The following TMEM41B variants were observed in gnomAD, a reference collection of about 807,000 sequenced individuals.
TMEM41B encodes transmembrane protein 41B.
In TMEM41B, 18 loss-of-function variants were observed where a neutral mutation model predicts 31.9. The observed-to-expected ratio is 0.56, with a 90% CI of 0.39 to 0.84. The LOEUF (loss-of-function observed/expected upper bound fraction) is 0.84. TMEM41B is among the 40% of genes least tolerant of loss of function. The pLI, the probability that TMEM41B is intolerant of heterozygous loss-of-function variation, is 0.00. For missense variants in TMEM41B, 322 were observed against 348.0 expected, an observed-to-expected ratio of 0.93 and a Z score of 0.59; for synonymous variants, 144 against 124.3, an observed-to-expected ratio of 1.16 and a Z score of -1.05.
In TMEM41B at chr11:9,287,432, T is replaced by C. The variant is rs1040551775; in HGVS notation, c.567+270A>G. On this transcript the variant is annotated intron_variant, in intron 5 of 6. Transcript: ENST00000528080. ...ATCTAATTATGTGGATGCCTTTATA[T>C]TCACACTGACTTCTCTGCTGATTAA... Among the ~76,000 whole-genome samples the C allele has an allele frequency of 2.0e-5, 3 of 152,236 alleles. No homozygotes were observed. The East Asian group carries it at 5.8e-4, about 29-fold the overall frequency.
intron 1 of TMEM41B, among the ~76,000 whole-genome samples, chr11:9,308,352 T>C (rs1295794096): frequency 6.6e-6 from 1 of 152,128 alleles, no homozygotes; most frequent in African/African-American, 2.4e-5. Flanking sequence ...CTGGCCAACC[T>C]TGGACATTTT....
At chr11:9,290,021 G>C (rs1158868736) in intron 3 of TMEM41B, among the ~76,000 whole-genome samples, 1 of 151,242 alleles carries the variant, frequency 6.6e-6, no homozygotes, top group East Asian at 1.9e-4. Context: ...TCTCCTACAT[G>C]TCTCTGTCAA....
In TMEM41B at chr11:9,307,448, C is replaced by CTT. The variant is rs34810386; in HGVS notation, c.121+6871_121+6872dup. Among the ~76,000 whole-genome samples, 99 of 147,120 alleles carry CTT rather than the reference C, an allele frequency of 6.7e-4. 1 individual carries two copies. Among genetic ancestry groups the CTT allele is most frequent in the Middle Eastern group, 3.5e-3 (1 of 286 alleles). Reference sequence around the variant, plus strand: ...CAGCTGAAGTATCATAAAATAAAATCTTTTTTTTTTTTTGAGATCGAGTTT... The same window carrying CTT: ...CAGCTGAAGTATCATAAAATAAAATCTTTTTTTTTTTTTTTGAGATCGAGTTT... On this transcript the variant is annotated intron_variant, in intron 1 of 6. Transcript: ENST00000528080.
intron 4 of TMEM41B, chr11:9,288,212 C>A: frequency 2.8e-6 from 1 of 359,770 alleles, no homozygotes. Flanking sequence ...GTTACAAAAT[C>A]CAATAGGAAA....
intron 1 of TMEM41B, 74 bp downstream of exon 1, chr11:9,314,247 G>C (rs772605292): frequency 8.7e-6 from 13 of 1,486,260 alleles, no homozygotes; most frequent in Admixed American, 6.5e-5. Context: ...TCCGAGAATA[G>C]CGGGGGTCCT....
chr11:9,283,649 T>C (rs558697839), intron 6 of TMEM41B, 56 bp from the exon 7 acceptor site: 59 of 1,481,126 alleles, frequency 4.0e-5, no homozygotes, highest in Middle Eastern at 3.6e-4. Flanking sequence ...TTTTAAAAAA[T>C]TAAAATGTTC....
rs374832221 is a variant in TMEM41B, at chr11:9,305,980, T to TTTTC, written c.122-6280_122-6279insGAAA. On this transcript the variant is annotated intron_variant, in intron 1 of 6. Coordinates refer to ENST00000528080, the MANE Select transcript of TMEM41B (RefSeq NM_015012.4). ...ACAGCTACTTACACCAGCACTTTTC[T>TTTTC]TTTTTTTTTTTTTTTTGAGACAGAG... is the stretch of plus-strand genomic sequence containing the variant. Among the ~76,000 whole-genome samples, 186 of 49,870 alleles carry TTTTC rather than the reference T, an allele frequency of 3.7e-3. 3 individuals carry two copies. The South Asian group carries it at 0.058, about 15-fold the overall frequency. The allele number at this position is 49,870 out of a possible 152,430, so 32.7% of individuals were successfully genotyped here. A position where few individuals can be genotyped will look rare whatever the true frequency, so the allele number is the denominator to read the frequency against.
intron 6 of TMEM41B, 82 bp from the exon 7 acceptor site, chr11:9,283,675 T>G (rs1852773048): frequency 8.0e-7 from 1 of 1,242,422 alleles, no homozygotes. Flanking sequence ...GCATAAAGTT[T>G]CTTAAAACAA....
At chr11:9,295,496 T>G (rs1055296299) in intron 2 of TMEM41B, 109 bp from the exon 3 acceptor site, 1 of 660,762 alleles carries the variant, frequency 1.5e-6, no homozygotes, top group African/African-American at 1.9e-5. Flanking sequence ...CTTGATCTAT[T>G]AAGTCTAAAT....
chr11:9,303,191 GTA>G (rs1266984131), intron 1 of TMEM41B, among the ~76,000 whole-genome samples: 1 of 151,878 alleles, frequency 6.6e-6, no homozygotes, highest in Non-Finnish European at 1.5e-5. Flanking sequence ...AATTTTTTTT[GTA>G]TTTTTAGTAG....
chr11:9,307,603 C>G (rs1280807848), intron 1 of TMEM41B, among the ~76,000 whole-genome samples: 2 of 149,036 alleles, frequency 1.3e-5, no homozygotes, highest in Non-Finnish European at 3.0e-5. Flanking sequence ...CCACCACGTC[C>G]GGCTAATTTT....
rs1853194292 is a variant in TMEM41B at position 9,299,531 on chromosome 11, C to CT, written c.239+52dup. ...AGCTACTGCACTTGGCCTTAATCCA[C>CT]TTTCATCTTATAAATATCTATACAT... On this transcript the variant is annotated intron_variant, in intron 2 of 6. Transcript: ENST00000528080. The CT allele has an allele frequency of 3.1e-6, 4 of 1,297,748 alleles. No individual in the cohort carries two copies. The African/African-American group carries it at 5.9e-5, about 19-fold the overall frequency. 80.4% of individuals were successfully genotyped at this position (1,297,748 alleles called of 1,614,324 possible). A position where few individuals can be genotyped will look rare whatever the true frequency, so the allele number is the denominator to read the frequency against.
chr11:9,310,919 TTCA>T (rs1319905967), intron 1 of TMEM41B, among the ~76,000 whole-genome samples: 1 of 152,168 alleles, frequency 6.6e-6, no homozygotes, highest in Non-Finnish European at 1.5e-5. Flanking sequence ...ATAGAGGTTT[TTCA>T]TCATAATTAA....
intron 3 of TMEM41B, among the ~76,000 whole-genome samples, chr11:9,293,384 T>G (rs915217855): frequency 6.6e-6 from 1 of 152,196 alleles, no homozygotes; most frequent in South Asian, 2.1e-4. Context: ...ATTACAGGAA[T>G]GAGCCACTAC....
At chr11:9,311,816 T>C in intron 1 of TMEM41B, 1 of 535,364 alleles carries the variant, frequency 1.9e-6, no homozygotes, top group East Asian at 3.3e-5. Flanking sequence ...CTTTCCGTGT[T>C]ACCTCTGCCT....
At position 9,282,896 on chromosome 11, in the gene TMEM41B, T is replaced by G. The variant is rs1210768778; in HGVS notation, c.*528A>C. On this transcript the variant is annotated 3_prime_UTR_variant, in exon 7 of 7. Transcript: ENST00000528080. ...TTGCAGTGAGTGGAGATCGCGCCAC[T>G]GCACTCCAGCCTGGGCGGCAGAGCT... The G allele has an allele frequency of 4.4e-5, 6 of 136,898 alleles. No individual in the cohort carries two copies. 8.5% of individuals were successfully genotyped at this position (136,898 alleles called of 1,614,324 possible). A position where few individuals can be genotyped will look rare whatever the true frequency, so the allele number is the denominator to read the frequency against.
In TMEM41B at chr11:9,299,657, T is replaced by A; in HGVS notation, c.166A>T (p.Ile56Leu). Residue 56 changes from isoleucine to leucine, a missense_variant, in exon 2 of 7, where the codon ATA (isoleucine) becomes TTA (leucine). Physicochemically the swap from Ile to Leu is conservative, Grantham distance 5 (BLOSUM62 2). Around this residue, in one of 3 missense-constraint regions of TMEM41B, gnomAD observed 183 missense variants for 175.3 expected, o/e 1.04. Coordinates refer to ENST00000528080, the MANE Select transcript of TMEM41B (RefSeq NM_015012.4). ...EAGSARMSLL[I>L]LVSIFLSAAF... ...GCAGATAAGAAAATGGACACCAATA[T>A]AAGGAGTGACATTCTTGCTGATCCA... is the stretch of plus-strand genomic sequence containing the variant. The A allele has an allele frequency of 1.4e-5, 23 of 1,613,406 alleles. No individual in the cohort carries two copies. Among genetic ancestry groups the A allele is most frequent in the Non-Finnish European group, 1.9e-5 (23 of 1,179,882 alleles).
Position 9,314,382 on chromosome 11 carries a change from C to T in TMEM41B, c.60G>A (p.Val20=), listed in dbSNP as rs750425103. The T allele has an allele frequency of 1.3e-6, 2 of 1,577,558 alleles. No homozygotes were observed. The highest frequency in any genetic ancestry group is 1.7e-6 in the Non-Finnish European group (2 of 1,162,204). ...SQLGAHHTTP[V]GDGAAGTRGL... ...CCCGCGTCCCCGCTGCCCCGTCCCC[C>T]ACGGGGGTCGTGTGGTGAGCGCCCA... Residue 20 remains valine (V), a synonymous_variant, in exon 1 of 7, where the codon GTG becomes GTA. Coordinates refer to ENST00000528080, the MANE Select transcript of TMEM41B (RefSeq NM_015012.4).
At chr11:9,313,276 G>A (rs1369066112) in intron 1 of TMEM41B, among the ~76,000 whole-genome samples, 1 of 133,392 alleles carries the variant, frequency 7.5e-6, no homozygotes, top group Non-Finnish European at 1.6e-5. Context: ...AAAAACATAA[G>A]GCTGACAGAG....
Sources: allele counts gnomAD v4.1 joint callset (sites outside exome capture counted in the v4.1 genomes callset), GRCh38; gene constraint gnomAD v4.1.1; regional missense constraint gnomAD v4.1.1; transcripts MANE v1.5; gene names NCBI Gene and HGNC (gene_info 2026-07-23, HGNC 2026-07-21).